Variants in CELF1 observed in about 807,000 individuals in gnomAD.
CELF1 encodes CUGBP Elav-like family member 1, also known as 50 kDa nuclear polyadenylated RNA-binding protein.
CELF1 carries 10 observed loss-of-function variants against 61.8 expected under a neutral mutation model. The ratio of observed to expected loss-of-function variants is 0.16; its 90% CI spans 0.10 to 0.27. The LOEUF (loss-of-function observed/expected upper bound fraction) is 0.27, where lower values mean the gene tolerates loss of function less well. CELF1 is among the 10% of genes least tolerant of loss of function. The pLI is 1.00. For synonymous variants in CELF1, 236 were observed against 225.1 expected (o/e 1.05, Z -0.43); for missense variants, 380 against 639.1 (o/e 0.59, Z 4.37).
At chr11:47,514,400 A>G (rs1418925169) in intron 1 of CELF1, among the ~76,000 whole-genome samples, 1 of 152,086 alleles carries the variant, frequency 6.6e-6, no homozygotes, top group Admixed American at 6.6e-5. Context: ...ATTCACAACC[A>G]ATAAATAGAA....
chr11:47,554,328 T>C (rs1190654167), upstream of CELF1, among the ~76,000 whole-genome samples: 1 of 152,230 alleles, frequency 6.6e-6, no homozygotes, highest in Non-Finnish European at 1.5e-5. Flanking sequence ...AATAGTTTTA[T>C]GTGTAGTTGA....
intron 1 of CELF1, among the ~76,000 whole-genome samples, chr11:47,528,383 C>T (rs769204132): frequency 1.3e-5 from 2 of 152,114 alleles, no homozygotes; most frequent in Non-Finnish European, 2.9e-5. Flanking sequence ...AATGGATTCA[C>T]AACTTTTACC....
chr11:47,481,824 A>C (rs1273133344), intron 9 of CELF1, among the ~76,000 whole-genome samples: 1 of 152,190 alleles, frequency 6.6e-6, no homozygotes, highest in African/African-American at 2.4e-5. Context: ...ACGACAACAG[A>C]GAGATCAAAT....
At chr11:47,513,007 T>TA (rs910707451) in intron 1 of CELF1, among the ~76,000 whole-genome samples, 131 of 152,356 alleles carry the variant, frequency 8.6e-4, no homozygotes, top group African/African-American at 3.0e-3. Context: ...CATCAGATTC[T>TA]ATAAGGGGTT....
rs2076816951 is a variant in CELF1 at position 47,467,209 on chromosome 11, C to T, written c.*5021G>A. On this transcript the variant is annotated 3_prime_UTR_variant, in exon 15 of 15. Coordinates refer to ENST00000687097, the MANE Select transcript of CELF1 (RefSeq NM_001376376.1). ...TGGGATCTATCATCAGCTCCTCCCC[C>T]TGTAACCTCTTCCCTCCACAGATCC... The T allele has an allele frequency of 6.6e-6, 1 of 152,632 alleles. No individual in the cohort carries two copies. Among genetic ancestry groups the T allele is most frequent in the Non-Finnish European group, 1.5e-5 (1 of 68,418 alleles). 9.5% of individuals were successfully genotyped at this position (152,632 alleles called of 1,614,324 possible).
chr11:47,494,478 G>A, intron 3 of CELF1: 1 of 983,998 alleles, frequency 1.0e-6, no homozygotes, highest in Non-Finnish European at 1.2e-6. Flanking sequence ...CAATTGGGAA[G>A]AGACACACGA....
chr11:47,489,360 CT>C (rs1054713739), intron 3 of CELF1, among the ~76,000 whole-genome samples: 4 of 152,120 alleles, frequency 2.6e-5, no homozygotes, highest in Admixed American at 2.0e-4. Context: ...GTTTTAATAA[CT>C]TTTAAGCATA....
At chr11:47,559,995 C>G (rs1311481286) in intron 2 of CELF1, among the ~76,000 whole-genome samples, 6 of 135,312 alleles carry the variant, frequency 4.4e-5, no homozygotes, top group Non-Finnish European at 9.4e-5. Context: ...GAGCAAGACT[C>G]TATCTCAAAA....
intron 13 of CELF1, among the ~76,000 whole-genome samples, chr11:47,474,319 A>G (rs2079025356): frequency 6.6e-6 from 1 of 152,084 alleles, no homozygotes; most frequent in Non-Finnish European, 1.5e-5. Context: ...GGGCCTCTGT[A>G]CTTGCTTTTC....
chr11:47,552,486 C>T (rs980923222), intron 1 of CELF1, among the ~76,000 whole-genome samples: 1 of 152,162 alleles, frequency 6.6e-6, no homozygotes, highest in Non-Finnish European at 1.5e-5. Flanking sequence ...GGATCTGGGG[C>T]GAGGAACGAG....
rs1481889623 is a variant in CELF1 at position 47,488,994 on chromosome 11, G to A, written c.102C>T (p.His34=). ...TAGCATCAAGATCTGGTTGGTCTGG[G>A]TGGTCCAGGGTGCCGTTCATTTTCT... is the stretch of plus-strand genomic sequence containing the variant. The part of the protein sequence containing the change: ...VSKKMNGTLD[H]PDQPDLDAIK... The change falls in exon 4 of 15, where the codon CAC becomes CAT. Residue 34 remains histidine (H), a synonymous_variant. Transcript: ENST00000687097. 5 of 1,598,910 alleles carry A rather than the reference G, an allele frequency of 3.1e-6. No homozygotes were observed. The highest frequency in any genetic ancestry group is 1.8e-5 in the Admixed American group (1 of 55,276).
intron 1 of CELF1, among the ~76,000 whole-genome samples, chr11:47,552,396 G>A (rs1014801292): frequency 6.6e-6 from 1 of 152,232 alleles, no homozygotes; most frequent in Non-Finnish European, 1.5e-5. Flanking sequence ...CCCGCTCCCG[G>A]GTGCGAGATT....
chr11:47,525,603 A>C (rs891687479), intron 1 of CELF1, among the ~76,000 whole-genome samples: 2 of 152,202 alleles, frequency 1.3e-5, no homozygotes, highest in Admixed American at 1.3e-4. Context: ...TGAGCCACCA[A>C]GCCCAGCCTG....
Position 47,483,091 on chromosome 11 carries a change from C to T in CELF1, c.607-235G>A, listed in dbSNP as rs1010123044. 3.5e-5 allele frequency among the ~76,000 whole-genome samples: 5 copies of T among 142,288 alleles called. No homozygotes were observed. The Middle Eastern group carries it at 0.014, about 412-fold the overall frequency. 93.3% of individuals were successfully genotyped at this position (142,288 alleles called of 152,430 possible). Reference sequence around the variant, plus strand: ...AGCCTGGGCAACATGGCAAAACGGTCGCTATTAAAAAAAAATACAAAAATT... The same window carrying T: ...AGCCTGGGCAACATGGCAAAACGGTTGCTATTAAAAAAAAATACAAAAATT... On this transcript the variant is annotated intron_variant, in intron 8 of 14. Transcript: ENST00000687097.
intron 3 of CELF1, among the ~76,000 whole-genome samples, chr11:47,496,717 T>G (rs1364185137): frequency 2.0e-5 from 3 of 151,742 alleles, no homozygotes; most frequent in Non-Finnish European, 4.4e-5. Context: ...ATGGGAAAAG[T>G]GGGATAACAT....
intron 3 of CELF1, among the ~76,000 whole-genome samples, chr11:47,492,370 CAT>C (rs2153502096): frequency 6.6e-6 from 1 of 152,258 alleles, no homozygotes; most frequent in South Asian, 2.1e-4. Flanking sequence ...ATGGCAAAAA[CAT>C]AATGTGACTG....
chr11:47,501,966 C>A (rs1189770488), intron 1 of CELF1, among the ~76,000 whole-genome samples: 1 of 152,158 alleles, frequency 6.6e-6, no homozygotes, highest in Non-Finnish European at 1.5e-5. Context: ...ACATCTATAA[C>A]AAAAGACTAC....
chr11:47,558,057 A>G (rs758514786), upstream of CELF1, among the ~76,000 whole-genome samples: 3 of 151,946 alleles, frequency 2.0e-5, no homozygotes, highest in African/African-American at 7.3e-5. Context: ...GGGTTTCACC[A>G]TGTTGGCCAG....
chr11:47,498,153 A>C (rs1439175176), intron 3 of CELF1, among the ~76,000 whole-genome samples: 2 of 152,210 alleles, frequency 1.3e-5, no homozygotes, highest in East Asian at 3.8e-4. Context: ...ACTTCAAAAG[A>C]GTAAGACAGG....
Sources: allele counts gnomAD v4.1 joint callset (sites outside exome capture counted in the v4.1 genomes callset), GRCh38; gene constraint gnomAD v4.1.1; transcripts MANE v1.5; gene names NCBI Gene and HGNC (gene_info 2026-07-23, HGNC 2026-07-21).